HHAT: variants seen among roughly 807,000 people sequenced by gnomAD.
HHAT encodes protein-cysteine N-palmitoyltransferase HHAT.
In HHAT, 47 loss-of-function variants were observed where a neutral mutation model predicts 70.8. The ratio of observed to expected loss-of-function variants is 0.66; its 90% CI spans 0.53 to 0.85. The LOEUF (loss-of-function observed/expected upper bound fraction) is 0.85, where lower values mean the gene tolerates loss of function less well. HHAT is among the 40% of genes least tolerant of loss of function. The pLI, the probability that HHAT is intolerant of heterozygous loss-of-function variation, is 0.00. For synonymous variants in HHAT, 228 were observed against 247.6 expected, an observed-to-expected ratio of 0.92 and a Z score of 0.74; for missense variants, 609 against 604.8, an observed-to-expected ratio of 1.01 and a Z score of -0.07.
rs768217049 is a variant in HHAT, at chr1:210,404,630, C to T, written c.635C>T (p.Pro212Leu). Residue 212 changes from proline (P) to leucine (L), a missense_variant, in exon 6 of 12, where the codon CCA becomes CTA. Transcript: ENST00000261458. Reference protein sequence around the residue: ...PWMLAYVFYYPVLHNGPILSF... With the variant: ...PWMLAYVFYYLVLHNGPILSF... ...ATGCTGGCCTATGTCTTTTATTATCCAGTCTTACACAATGGGCCCATCCTC... is the reference window on the plus strand; with the variant it reads ...ATGCTGGCCTATGTCTTTTATTATCTAGTCTTACACAATGGGCCCATCCTC... 9.3e-6 allele frequency: 15 copies of T among 1,614,090 alleles called. No homozygotes were observed. In the South Asian group the frequency reaches 1.2e-4, roughly 13 times the overall value.
At chr1:210,487,874 G>T (rs1023281176) in intron 8 of HHAT, among the ~76,000 whole-genome samples, 7 of 152,146 alleles carry the variant, frequency 4.6e-5, no homozygotes, top group African/African-American at 1.7e-4. Context: ...ACTTTAATCT[G>T]CATACCAAGG....
intron 9 of HHAT, among the ~76,000 whole-genome samples, chr1:210,543,213 G>T (rs1413751101): frequency 1.3e-5 from 2 of 152,122 alleles, no homozygotes; most frequent in African/African-American, 4.8e-5. Context: ...ATAAATGTGG[G>T]TTAACAGAGG....
chr1:210,428,021 A>G (rs1043788800), intron 7 of HHAT, among the ~76,000 whole-genome samples: 3 of 151,878 alleles, frequency 2.0e-5, no homozygotes, highest in Non-Finnish European at 4.4e-5. Context: ...TTTCTTGCTG[A>G]GTTGAATCCT....
At chr1:210,474,071 A>G (rs2094257426) in intron 8 of HHAT, among the ~76,000 whole-genome samples, 1 of 152,080 alleles carries the variant, frequency 6.6e-6, no homozygotes, top group South Asian at 2.1e-4. Flanking sequence ...TCTACACTCC[A>G]TCTAAAATTT....
intron 7 of HHAT, among the ~76,000 whole-genome samples, chr1:210,451,655 T>C (rs1483251972): frequency 3.9e-5 from 6 of 152,192 alleles, no homozygotes; most frequent in Admixed American, 3.3e-4. Context: ...CATAGCTAAC[T>C]ACACCCTTGA....
chr1:210,626,946 A>G (rs1332471087), intron 11 of HHAT, among the ~76,000 whole-genome samples: 1 of 152,200 alleles, frequency 6.6e-6, no homozygotes, highest in South Asian at 2.1e-4. Context: ...CTTCCCTGGG[A>G]CACATGATCA....
At chr1:210,391,308 A>C (rs1467859425) in intron 4 of HHAT, among the ~76,000 whole-genome samples, 1 of 152,238 alleles carries the variant, frequency 6.6e-6, no homozygotes, top group East Asian at 1.9e-4. Context: ...AGTTAAAATG[A>C]AAATCAAAAG....
intron 7 of HHAT, among the ~76,000 whole-genome samples, chr1:210,453,889 A>G (rs2093806948): frequency 6.6e-6 from 1 of 152,234 alleles, no homozygotes; most frequent in Non-Finnish European, 1.5e-5. Flanking sequence ...TGATAAAGAC[A>G]TACCCGAAAC....
At chr1:210,603,134 C>A (rs1003862939) in intron 10 of HHAT, among the ~76,000 whole-genome samples, 1 of 152,204 alleles carries the variant, frequency 6.6e-6, no homozygotes, top group Non-Finnish European at 1.5e-5. Flanking sequence ...TGCTCAGTTT[C>A]TTCTGGAGTA....
intron 4 of HHAT, among the ~76,000 whole-genome samples, chr1:210,389,562 C>A (rs573777745): frequency 6.6e-6 from 1 of 152,164 alleles, no homozygotes; most frequent in East Asian, 1.9e-4. Flanking sequence ...TATGAGATCT[C>A]GTTGTTTGAA....
intron 4 of HHAT, among the ~76,000 whole-genome samples, chr1:210,390,663 C>T (rs1216121095): frequency 6.6e-6 from 1 of 152,148 alleles, no homozygotes; most frequent in Non-Finnish European, 1.5e-5. Flanking sequence ...CACAACCTTT[C>T]CCTCCAAAGC....
chr1:210,652,379 A>G (rs1675336954), intron 11 of HHAT, among the ~76,000 whole-genome samples: 1 of 152,160 alleles, frequency 6.6e-6, no homozygotes, highest in Admixed American at 6.5e-5. Context: ...GTAGTAAGGA[A>G]GTTGGTTTTG....
intron 1 of HHAT, among the ~76,000 whole-genome samples, chr1:210,330,595 G>A (rs575177216): frequency 6.6e-6 from 1 of 152,242 alleles, no homozygotes; most frequent in East Asian, 1.9e-4. Flanking sequence ...TTTTGTGGGT[G>A]GCCAGATGTT....
At chr1:210,526,745 A>G (rs2095255340) in intron 9 of HHAT, among the ~76,000 whole-genome samples, 1 of 152,158 alleles carries the variant, frequency 6.6e-6, no homozygotes, top group South Asian at 2.1e-4. Flanking sequence ...GCTGTTTCTA[A>G]TATTAGAGAG....
At chr1:210,368,636 A>T (rs564135893) in intron 3 of HHAT, among the ~76,000 whole-genome samples, 2 of 152,104 alleles carry the variant, frequency 1.3e-5, no homozygotes, top group Non-Finnish European at 2.9e-5. Context: ...GCAACATGGG[A>T]ATACAAGGTT....
chr1:210,558,377 A>AG (rs1347539639), intron 9 of HHAT, among the ~76,000 whole-genome samples: 1 of 152,198 alleles, frequency 6.6e-6, no homozygotes, highest in African/African-American at 2.4e-5. Flanking sequence ...CTAAGGTAAG[A>AG]GGGGCACCCT....
Position 210,511,590 on chromosome 1 carries a change from C to G in HHAT, c.1008-1563C>G, listed in dbSNP as rs1176923615. Among the ~76,000 whole-genome samples the G allele has an allele frequency of 2.0e-5, 3 of 151,922 alleles. No individual in the cohort carries two copies. In the East Asian group the frequency reaches 5.8e-4, roughly 29 times the overall value. ...CAGGGTCTGGACAGGCGTCAGACCC[C>G]CCCTCGAGGGTGAATTCCTGTGTCC... On this transcript the variant is annotated intron_variant, in intron 8 of 11. Transcript: ENST00000261458.
chr1:210,353,183 C>G (rs556568127), intron 2 of HHAT, among the ~76,000 whole-genome samples: 10 of 151,984 alleles, frequency 6.6e-5, no homozygotes, highest in Non-Finnish European at 1.5e-4. Flanking sequence ...TAATCCACTC[C>G]CCTCAGCCTC....
At chr1:210,659,955 C>T (rs1016007808) in intron 11 of HHAT, among the ~76,000 whole-genome samples, 1 of 152,166 alleles carries the variant, frequency 6.6e-6, no homozygotes, top group African/African-American at 2.4e-5. Context: ...AACCCACCAC[C>T]AATATCATAC....
Sources: allele counts gnomAD v4.1 joint callset (sites outside exome capture counted in the v4.1 genomes callset), GRCh38; gene constraint gnomAD v4.1.1; transcripts MANE v1.5; gene names NCBI Gene and HGNC (gene_info 2026-07-23, HGNC 2026-07-21).